Variants in SRGAP3 observed in about 807,000 individuals in gnomAD.
SRGAP3 encodes the protein SLIT-ROBO Rho GTPase-activating protein 3.
SRGAP3 carries 39 observed loss-of-function variants against 121.1 expected under a neutral mutation model. The observed-to-expected ratio is 0.32, with a 90% CI of 0.25 to 0.42. The LOEUF (loss-of-function observed/expected upper bound fraction) is 0.42. SRGAP3 is among the 10% of genes least tolerant of loss of function. The pLI is 1.00. For missense variants in SRGAP3, 1,213 were observed against 1,470.6 expected (o/e 0.82, Z 2.86); for synonymous variants, 601 against 570.0 (o/e 1.05, Z -0.77).
Position 9,248,867 on chromosome 3 carries a change from TC to T in SRGAP3, c.67+17del. On this transcript the variant is annotated intron_variant, in intron 1 of 21. Coordinates refer to ENST00000383836, the MANE Select transcript of SRGAP3 (RefSeq NM_014850.4). ...CGAAAGGGGAGGAGAAGGAAAACTC[TC>T]CCAGCCCGCATCTCACCTTTTATTT... is the stretch of plus-strand genomic sequence containing the variant. 1 of 1,613,872 alleles carries T rather than the reference TC, an allele frequency of 6.2e-7. No homozygotes were observed. Among genetic ancestry groups the T allele is most frequent in the South Asian group, 1.1e-5 (1 of 91,068 alleles).
intron 1 of SRGAP3, among the ~76,000 whole-genome samples, chr3:9,342,813 G>C (rs1283096231): frequency 6.6e-6 from 1 of 152,214 alleles, no homozygotes; most frequent in Non-Finnish European, 1.5e-5. Context: ...TCCATGAGGA[G>C]GCAGAAGAAC....
At chr3:9,309,477 T>C (rs1287063573) in intron 3 of SRGAP3, among the ~76,000 whole-genome samples, 2 of 152,194 alleles carry the variant, frequency 1.3e-5, no homozygotes, top group Admixed American at 1.3e-4. Flanking sequence ...TACACTGCTT[T>C]AGAGAGTAGC....
At chr3:9,082,834 C>G (rs1264350769) in intron 3 of SRGAP3, among the ~76,000 whole-genome samples, 2 of 152,202 alleles carry the variant, frequency 1.3e-5, no homozygotes, top group Non-Finnish European at 2.9e-5. Context: ...TCTCCTCACC[C>G]CCCACAGCCC....
At chr3:9,080,175 G>A (rs1947172102) in intron 3 of SRGAP3, 88 bp from the exon 4 acceptor site, 9 of 1,378,718 alleles carry the variant, frequency 6.5e-6, no homozygotes, top group Admixed American at 1.7e-5. Flanking sequence ...GGTCAGGAAT[G>A]TTTCGGGTGG....
At chr3:9,320,872 T>C (rs1044304641) in intron 3 of SRGAP3, among the ~76,000 whole-genome samples, 5 of 151,770 alleles carry the variant, frequency 3.3e-5, no homozygotes, top group African/African-American at 1.2e-4. Flanking sequence ...ACATAAAAAT[T>C]TACTCTGAAT....
rs1379535459 is a variant in SRGAP3 at position 9,000,248 on chromosome 3, C to G, written c.2228-5725G>C. ...AGGGCTTCATTCTTTCACACAACCC[C>G]TACTCATGGAATGGTGGCTGTACTT... is the stretch of plus-strand genomic sequence containing the variant. On this transcript the variant is annotated intron_variant, in intron 18 of 21. Coordinates refer to ENST00000383836, the MANE Select transcript of SRGAP3 (RefSeq NM_014850.4). 8.5e-5 allele frequency among the ~76,000 whole-genome samples: 13 copies of G among 152,228 alleles called. No individual in the cohort carries two copies. In the East Asian group the frequency reaches 2.5e-3, roughly 29 times the overall value.
chr3:8,998,111 A>C (rs943878154), intron 18 of SRGAP3, among the ~76,000 whole-genome samples: 1 of 152,120 alleles, frequency 6.6e-6, no homozygotes, highest in Non-Finnish European at 1.5e-5. Flanking sequence ...CTGGTCTCGA[A>C]CTTCTGGACT....
rs549210169 is a variant in SRGAP3, at chr3:9,256,676, T to A, written n.442+69334A>T. 1.5e-4 allele frequency: 60 copies of A among 395,858 alleles called. 1 individual carries two copies. In the Admixed American group the frequency reaches 2.0e-3, roughly 13 times the overall value. The allele number at this position is 395,858 out of a possible 1,614,324, so 24.5% of individuals were successfully genotyped here. A position where few individuals can be genotyped will look rare whatever the true frequency, so the allele number is the denominator to read the frequency against. ...CATCCACTCCCCATCCCTCATCCAC[T>A]CCTCCCCAGGGGAGGAAAAGTGACT... On this transcript the variant is annotated intron_variant and non_coding_transcript_variant, in intron 3 of 3. Transcript: ENST00000490889.
intron 1 of SRGAP3, among the ~76,000 whole-genome samples, chr3:9,183,265 G>A (rs976789311): frequency 1.3e-5 from 2 of 152,064 alleles, no homozygotes; most frequent in African/African-American, 4.8e-5. Flanking sequence ...GTGCAGCCAC[G>A]GCGCCTGGGT....
intron 1 of SRGAP3, among the ~76,000 whole-genome samples, chr3:9,140,072 A>C (rs1402230400): frequency 1.3e-5 from 2 of 152,098 alleles, no homozygotes; most frequent in Non-Finnish European, 2.9e-5. Context: ...TAAGTGAAAA[A>C]ATAATTAGCA....
At chr3:9,049,862 C>G (rs1420690187) in intron 9 of SRGAP3, among the ~76,000 whole-genome samples, 2 of 151,778 alleles carry the variant, frequency 1.3e-5, no homozygotes, top group Non-Finnish European at 2.9e-5. Context: ...CAATCTCTGC[C>G]TCCCAGGCTC....
intron 1 of SRGAP3, among the ~76,000 whole-genome samples, chr3:9,174,651 T>C (rs757788285): frequency 1.3e-5 from 2 of 152,168 alleles, no homozygotes; most frequent in Non-Finnish European, 2.9e-5. Flanking sequence ...TCAGGACCCA[T>C]GAAAGAATTC....
chr3:8,993,151 A>T, intron 19 of SRGAP3, 96 bp from the exon 20 acceptor site: 1 of 1,579,452 alleles, frequency 6.3e-7, no homozygotes, highest in Non-Finnish European at 8.6e-7. Context: ...CTGAATTAAC[A>T]CAACTTATGG....
At chr3:9,320,549 G>A (rs1251453069) in intron 3 of SRGAP3, among the ~76,000 whole-genome samples, 2 of 151,848 alleles carry the variant, frequency 1.3e-5, no homozygotes, top group East Asian at 3.9e-4. Flanking sequence ...TTTGCTTTCC[G>A]CCATGATTGG....
chr3:8,997,407 T>C (rs547766305), intron 18 of SRGAP3, among the ~76,000 whole-genome samples: 1 of 152,278 alleles, frequency 6.6e-6, no homozygotes, highest in Admixed American at 6.5e-5. Context: ...GTAGAGCCGC[T>C]TCTCCCCACA....
intron 3 of SRGAP3, among the ~76,000 whole-genome samples, chr3:9,270,376 C>A (rs560800293): frequency 2.6e-4 from 40 of 152,296 alleles, no homozygotes; most frequent in Non-Finnish European, 4.7e-4. Flanking sequence ...CAACACTAAT[C>A]CATGGCGATA....
chr3:9,060,795 C>T (rs1291392264), intron 5 of SRGAP3, among the ~76,000 whole-genome samples: 2 of 152,036 alleles, frequency 1.3e-5, no homozygotes, highest in African/African-American at 4.8e-5. Context: ...TGCACAGCCA[C>T]ACCTATGGAA....
chr3:9,161,433 G>A (rs901706767), intron 1 of SRGAP3, among the ~76,000 whole-genome samples: 5 of 152,212 alleles, frequency 3.3e-5, no homozygotes, highest in African/African-American at 1.2e-4. Context: ...CACAAGACAC[G>A]TGTCATCTCA....
At chr3:9,073,694 C>A (rs1946828464) in intron 4 of SRGAP3, among the ~76,000 whole-genome samples, 1 of 152,178 alleles carries the variant, frequency 6.6e-6, no homozygotes, top group Non-Finnish European at 1.5e-5. Context: ...TTTAGACCAG[C>A]CCCTGGCCTT....
Sources: allele counts gnomAD v4.1 joint callset (sites outside exome capture counted in the v4.1 genomes callset), GRCh38; gene constraint gnomAD v4.1.1; transcripts MANE v1.5; gene names NCBI Gene and HGNC (gene_info 2026-07-23, HGNC 2026-07-21).